SOAT2: variants seen among roughly 807,000 people sequenced by gnomAD.
SOAT2 encodes the protein sterol O-acyltransferase 2.
SOAT2 carries 87 observed loss-of-function variants against 76.0 expected under a neutral mutation model. That is an observed-to-expected ratio of 1.14 (90% CI 0.96 to 1.37). SOAT2 has a LOEUF of 1.37. Ranked by LOEUF, SOAT2 falls within the 40% of genes most tolerant of loss-of-function variation. The pLI, the probability that SOAT2 is intolerant of heterozygous loss-of-function variation, is 0.00. For missense variants in SOAT2, 686 were observed against 682.1 expected (o/e 1.01, Z -0.06); for synonymous variants, 285 against 275.4 (o/e 1.03, Z -0.34).
chr12:53,105,315 C>G (rs1200562724), intron 3 of SOAT2, 72 bp downstream of exon 3: 3 of 1,523,472 alleles, frequency 2.0e-6, no homozygotes, highest in Non-Finnish European at 2.7e-6. Context: ...ACGTTATGTG[C>G]CCTTGCCAGC....
chr12:53,123,305 C>A, intron 13 of SOAT2, 89 bp downstream of exon 13: 2 of 1,524,536 alleles, frequency 1.3e-6, no homozygotes, highest in Non-Finnish European at 1.8e-6. Flanking sequence ...TGGTGGGAGG[C>A]CTCGCCCCCA....
At chr12:53,118,317 C>G (rs372651484) in intron 7 of SOAT2, 33 bp from the exon 8 acceptor site, 1 of 1,482,622 alleles carries the variant, frequency 6.7e-7, no homozygotes, top group Non-Finnish European at 9.4e-7. Context: ...CTGCCCTTGC[C>G]CTTACTAATC....
At chr12:53,113,312 G>A (rs184094335) in intron 5 of SOAT2, among the ~76,000 whole-genome samples, 1 of 152,240 alleles carries the variant, frequency 6.6e-6, no homozygotes, top group Admixed American at 6.5e-5. Flanking sequence ...ATAGGCTCCC[G>A]GCATATGATC....
At chr12:53,108,143 G>C (rs1937963645) in intron 5 of SOAT2, among the ~76,000 whole-genome samples, 1 of 152,192 alleles carries the variant, frequency 6.6e-6, no homozygotes, top group Non-Finnish European at 1.5e-5. Flanking sequence ...CCCAGCCATG[G>C]ATTTGTACCA....
Position 53,123,073 on chromosome 12 carries a change from C to T in SOAT2, c.1237-8C>T, listed in dbSNP as rs780589601. ...ACTTACTCTTCACTCCTTTCCTCAC[C>T]CTGCCAGCTCCTTGGTGCCCGGGCC... On this transcript the variant is annotated splice_region_variant and splice_polypyrimidine_tract_variant and intron_variant, in intron 12 of 14. Transcript: ENST00000301466. The T allele has an allele frequency of 3.1e-6, 5 of 1,609,406 alleles. No individual in the cohort carries two copies. The highest frequency in any genetic ancestry group is 2.2e-5 in the South Asian group (2 of 90,626).
chr12:53,110,391 T>A (rs1937994680), intron 5 of SOAT2, among the ~76,000 whole-genome samples: 1 of 152,214 alleles, frequency 6.6e-6, no homozygotes, highest in South Asian at 2.1e-4. Flanking sequence ...GCAGGCAAGT[T>A]GTACAGCTAA....
At position 53,124,058 on chromosome 12, in the gene SOAT2, T is replaced by C. The variant is rs780298616; in HGVS notation, c.1519-15T>C. 1 of 1,614,150 alleles carries C rather than the reference T, an allele frequency of 6.2e-7. No homozygotes were observed. ...AGGAATGATCTCATTCACGACTTAT[T>C]CTTCTCTGGCTCAGGCAACTTTCTG... On this transcript the variant is annotated splice_polypyrimidine_tract_variant and intron_variant, in intron 14 of 14. Coordinates refer to ENST00000301466, the MANE Select transcript of SOAT2 (RefSeq NM_003578.4).
At chr12:53,118,244 C>CCCTCCCCCT in intron 7 of SOAT2, 106 bp from the exon 8 acceptor site, 2 of 522,870 alleles carry the variant, frequency 3.8e-6, no homozygotes, top group Non-Finnish European at 7.1e-6. Context: ...CACCCCCACC[C>CCCTCCCCCT]TATCCATTTC....
intron 5 of SOAT2, among the ~76,000 whole-genome samples, chr12:53,111,193 C>T (rs1300848942): frequency 6.6e-6 from 1 of 151,276 alleles, no homozygotes; most frequent in African/African-American, 2.4e-5. Context: ...GCAAGCTCCG[C>T]CTCCCAGGTT....
At chr12:53,116,824 T>C (rs2121292152) in intron 7 of SOAT2, among the ~76,000 whole-genome samples, 1 of 151,760 alleles carries the variant, frequency 6.6e-6, no homozygotes, top group Admixed American at 6.6e-5. Context: ...GCCATGACTA[T>C]GTCACTGTAC....
chr12:53,121,239 G>A, intron 11 of SOAT2, 64 bp from the exon 12 acceptor site: 1 of 1,178,164 alleles, frequency 8.5e-7, no homozygotes, highest in Non-Finnish European at 1.3e-6. Context: ...GGAGCAGTGG[G>A]GAGGAGCCGG....
In SOAT2 at chr12:53,115,597, C is replaced by A. The variant is rs776678249; in HGVS notation, c.651C>A (p.His217Gln). Reference sequence around the variant, plus strand: ...TGGTGCTCTGCGCGCTGCCGGTCCACGTGGCCGTGGAGCATCAGCTCCCGC... The same window carrying A: ...TGGTGCTCTGCGCGCTGCCGGTCCAAGTGGCCGTGGAGCATCAGCTCCCGC... ...HAVVLCALPV[H>Q]VAVEHQLPPA... The change falls in exon 6 of 15, where the codon CAC becomes CAA. Residue 217 changes from histidine (H) to glutamine (Q), a missense_variant. Physicochemically the swap from His to Gln is conservative, Grantham distance 24. Coordinates refer to ENST00000301466, the MANE Select transcript of SOAT2 (RefSeq NM_003578.4). The A allele has an allele frequency of 1.9e-6, 3 of 1,573,890 alleles. No homozygotes were observed. The highest frequency in any genetic ancestry group is 3.5e-5 in the Admixed American group (2 of 56,944).
rs146585762 is a variant in SOAT2 at position 53,115,427 on chromosome 12, G to C, written c.481G>C (p.Gly161Arg). Residue 161 changes from glycine (G) to arginine (R), a missense_variant, in exon 6 of 15, where the codon GGA becomes CGA. Physicochemically the swap from Gly to Arg is moderately radical, Grantham distance 125 (BLOSUM62 -2). Coordinates refer to ENST00000301466, the MANE Select transcript of SOAT2 (RefSeq NM_003578.4). ...GTTTGACCTACTGATCTTCAGCTTC[G>C]GACAGCTGCCATTGGCGCTGGTGAC... is the stretch of plus-strand genomic sequence containing the variant. ...LEFDLLIFSF[G>R]QLPLALVTWV... 3 of 1,611,332 alleles carry C rather than the reference G, an allele frequency of 1.9e-6. No homozygotes were observed. Among genetic ancestry groups the C allele is most frequent in the Non-Finnish European group, 2.5e-6 (3 of 1,179,186 alleles).
chr12:53,120,831 G>A lies in SOAT2; in HGVS notation c.1085G>A (p.Trp362Ter), dbSNP rs35028307. The change falls in exon 11 of 15, where the codon TGG (tryptophan) becomes TAG (stop). Residue 362 changes from tryptophan to a stop codon, truncating the protein, a stop_gained. Transcript: ENST00000301466. LOFTEE classifies it high-confidence loss of function. ...LLIFFAFLHC[W>*]LNAFAEMLRF... ...ATCTTCTTTGCCTTCCTCCATTGCTGGCTCAACGCCTTTGCCGAGATGCTA... is the reference window on the plus strand; with the variant it reads ...ATCTTCTTTGCCTTCCTCCATTGCTAGCTCAACGCCTTTGCCGAGATGCTA... 1.2e-6 allele frequency: 2 copies of A among 1,614,000 alleles called. No individual in the cohort carries two copies. Among genetic ancestry groups the A allele is most frequent in the Middle Eastern group, 1.6e-4 (1 of 6,062 alleles).
chr12:53,112,545 CAAAA>C (rs71095977), intron 5 of SOAT2, among the ~76,000 whole-genome samples: 3 of 58,214 alleles, frequency 5.2e-5, no homozygotes, highest in Admixed American at 2.0e-4. Context: ...AACTCTGTCT[CAAAA>C]AAAAAAAAAA....
Position 53,105,197 on chromosome 12 carries a change from T to C in SOAT2, c.229T>C (p.Ser77Pro). The stretch of plus-strand genomic sequence containing the variant: ...GCGGGAGGCTATACAATCCTACCCA[T>C]CACAAGACAAACCTCTGCCCCCACC... ...AMREAIQSYPSQDKPLPPPPP... is the reference protein window; with the variant it reads ...AMREAIQSYPPQDKPLPPPPP... The change falls in exon 3 of 15, where the codon TCA becomes CCA. Residue 77 changes from serine to proline, a missense_variant. By Grantham distance (74) the Ser-to-Pro change is moderately conservative. Transcript: ENST00000301466. The C allele has an allele frequency of 6.2e-7, 1 of 1,601,440 alleles. No individual in the cohort carries two copies. Among genetic ancestry groups the C allele is most frequent in the African/African-American group, 1.3e-5 (1 of 74,600 alleles).
chr12:53,118,344 C>T lies in SOAT2; in HGVS notation c.779-6C>T. ...TTACTAATCCACCCCTCTCATTCCT[C>T]CCCAGGTGAGGGGATCCAGGCCCCC... On this transcript the variant is annotated splice_region_variant and splice_polypyrimidine_tract_variant and intron_variant, in intron 7 of 14. Coordinates refer to ENST00000301466, the MANE Select transcript of SOAT2 (RefSeq NM_003578.4). 6.9e-6 allele frequency: 11 copies of T among 1,586,202 alleles called. No homozygotes were observed. The highest frequency in any genetic ancestry group is 9.5e-6 in the Non-Finnish European group (11 of 1,160,938).
chr12:53,120,760 T>C, intron 10 of SOAT2, 26 bp from the exon 11 acceptor site: 1 of 1,581,874 alleles, frequency 6.3e-7, no homozygotes, highest in Non-Finnish European at 8.7e-7. Context: ...CAGCCTGACC[T>C]GCAGCCTCTT....
Position 53,123,840 on chromosome 12 carries a change from G to C in SOAT2, c.1485G>C (p.Glu495Asp), listed in dbSNP as rs1938234316. 1.2e-6 allele frequency: 2 copies of C among 1,614,058 alleles called. No homozygotes were observed. The highest frequency in any genetic ancestry group is 2.2e-5 in the South Asian group (2 of 91,088). Residue 495 changes from glutamate (E) to aspartate (D), a missense_variant, in exon 14 of 15, where the codon GAG (glutamate) becomes GAC (aspartate). Transcript: ENST00000301466. ...QGIQVSLYCQ[E>D]WYARRHCPLP... ...TCCAGGTCAGCCTGTACTGCCAGGA[G>C]TGGTACGCACGGCGGCACTGCCCCT...
Sources: allele counts gnomAD v4.1 joint callset (sites outside exome capture counted in the v4.1 genomes callset), GRCh38; gene constraint gnomAD v4.1.1; transcripts MANE v1.5; gene names NCBI Gene and HGNC (gene_info 2026-07-23, HGNC 2026-07-21).